EHBP1: variants seen among roughly 807,000 people sequenced by gnomAD.
The protein encoded by EHBP1 is EH domain binding protein 1.
EHBP1 carries 55 observed loss-of-function variants against 144.0 expected under a neutral mutation model. The observed-to-expected ratio is 0.38, with a 90% CI of 0.31 to 0.48. The LOEUF is 0.48. EHBP1 is among the 20% of genes least tolerant of loss of function. EHBP1 has a pLI of 0.98. For synonymous variants in EHBP1, 469 were observed against 472.7 expected (o/e 0.99, Z 0.10); for missense variants, 1,200 against 1,364.2 (o/e 0.88, Z 1.90).
intron 10 of EHBP1, among the ~76,000 whole-genome samples, chr2:62,937,170 C>G (rs1014808724): frequency 6.6e-6 from 1 of 152,154 alleles, no homozygotes; most frequent in East Asian, 1.9e-4. Flanking sequence ...AAGAAGTTGA[C>G]TGAGATGTTT....
intron 10 of EHBP1, among the ~76,000 whole-genome samples, chr2:62,903,819 T>G (rs915889780): frequency 6.6e-6 from 1 of 151,858 alleles, no homozygotes; most frequent in South Asian, 2.1e-4. Flanking sequence ...AAGAAACATA[T>G]TGAGTGAAAA....
intron 7 of EHBP1, among the ~76,000 whole-genome samples, chr2:62,844,318 A>T (rs936054819): frequency 6.6e-6 from 1 of 152,174 alleles, no homozygotes; most frequent in Non-Finnish European, 1.5e-5. Context: ...AAATAGATAC[A>T]TATCTGGGGA....
intron 10 of EHBP1, among the ~76,000 whole-genome samples, chr2:62,916,582 G>T (rs2054633672): frequency 6.7e-6 from 1 of 149,462 alleles, no homozygotes; most frequent in African/African-American, 2.5e-5. Flanking sequence ...AACAGAGCGA[G>T]ACTCTGTCTC....
intron 10 of EHBP1, among the ~76,000 whole-genome samples, chr2:62,926,397 C>A (rs1233156246): frequency 1.3e-5 from 2 of 152,030 alleles, no homozygotes; most frequent in African/African-American, 4.8e-5. Context: ...GAAAAGACAA[C>A]CTACAGAATG....
intron 13 of EHBP1, among the ~76,000 whole-genome samples, chr2:62,951,539 G>A (rs549287488): frequency 1.4e-5 from 2 of 142,382 alleles, no homozygotes; most frequent in African/African-American, 2.6e-5. Flanking sequence ...TTTTTTGGGG[G>A]GGGGGGGTGG....
At chr2:62,844,746 A>C (rs190489843) in intron 7 of EHBP1, among the ~76,000 whole-genome samples, 31 of 152,300 alleles carry the variant, frequency 2.0e-4, no homozygotes, top group African/African-American at 7.5e-4. Flanking sequence ...TTGTTAAGAG[A>C]ACTCAGACAT....
intron 5 of EHBP1, among the ~76,000 whole-genome samples, chr2:62,815,713 T>C (rs1002281405): frequency 6.6e-6 from 1 of 152,212 alleles, no homozygotes; most frequent in African/African-American, 2.4e-5. Context: ...TATATGTCAA[T>C]GACAAAGTTT....
At chr2:62,705,185 A>G (rs1387885621), upstream of EHBP1, among the ~76,000 whole-genome samples, 1 of 151,710 alleles carries the variant, frequency 6.6e-6, no homozygotes, top group Non-Finnish European at 1.5e-5. Flanking sequence ...AATAAAGGCT[A>G]TGCGCAAAAA....
At chr2:62,964,998 G>A (rs1463978834) in intron 14 of EHBP1, 2 of 152,624 alleles carry the variant, frequency 1.3e-5, no homozygotes, top group African/African-American at 4.8e-5. Context: ...CACGAACTGA[G>A]TAGATTTGAA....
intron 3 of EHBP1, among the ~76,000 whole-genome samples, chr2:62,756,709 A>G (rs1258521369): frequency 6.6e-6 from 1 of 151,554 alleles, no homozygotes; most frequent in Non-Finnish European, 1.5e-5. Flanking sequence ...TGGAGGTTGC[A>G]ATGAGCTGAG....
intron 5 of EHBP1, among the ~76,000 whole-genome samples, chr2:62,802,958 C>T (rs1225751116): frequency 6.6e-6 from 1 of 152,140 alleles, no homozygotes; most frequent in African/African-American, 2.4e-5. Flanking sequence ...CTCCTGACCT[C>T]AGGTGATCCG....
chr2:62,830,297 G>A (rs750110264), intron 6 of EHBP1, among the ~76,000 whole-genome samples: 6 of 151,256 alleles, frequency 4.0e-5, no homozygotes, highest in Admixed American at 6.6e-5. Flanking sequence ...CACCACGCCC[G>A]GCTAATTTTT....
chr2:62,981,308 A>G (rs184180421), intron 15 of EHBP1, among the ~76,000 whole-genome samples: 4 of 152,152 alleles, frequency 2.6e-5, no homozygotes, highest in Admixed American at 6.5e-5. Context: ...AAATCTTAAT[A>G]AATCTTTGCC....
At chr2:62,780,796 C>T (rs1242144045) in intron 5 of EHBP1, among the ~76,000 whole-genome samples, 1 of 152,134 alleles carries the variant, frequency 6.6e-6, no homozygotes, top group Non-Finnish European at 1.5e-5. Flanking sequence ...TCCTAGCTAA[C>T]ACATTTTAAG....
At chr2:62,780,183 T>C (rs1414420942) in intron 5 of EHBP1, among the ~76,000 whole-genome samples, 1 of 152,084 alleles carries the variant, frequency 6.6e-6, no homozygotes, top group Non-Finnish European at 1.5e-5. Context: ...TTATTCTTGT[T>C]TCTACAAAGA....
chr2:62,698,965 C>T (rs2034192114), intron 1 of EHBP1, among the ~76,000 whole-genome samples: 1 of 152,170 alleles, frequency 6.6e-6, no homozygotes, highest in Non-Finnish European at 1.5e-5. Context: ...TGGAGTTTTG[C>T]CTGCTTTCAG....
intron 3 of EHBP1, among the ~76,000 whole-genome samples, chr2:62,753,668 T>C (rs2039978664): frequency 6.6e-6 from 1 of 152,212 alleles, no homozygotes; most frequent in African/African-American, 2.4e-5. Flanking sequence ...TCTTTTCACA[T>C]AGTCCCGTAT....
chr2:62,880,913 C>G (rs1356454986), intron 10 of EHBP1, among the ~76,000 whole-genome samples: 1 of 151,804 alleles, frequency 6.6e-6, no homozygotes, highest in Admixed American at 6.6e-5. Context: ...AGGTATATAC[C>G]AAGTATATAC....
intron 10 of EHBP1, among the ~76,000 whole-genome samples, chr2:62,933,267 A>G (rs942419958): frequency 7.9e-5 from 12 of 152,080 alleles, no homozygotes; most frequent in Non-Finnish European, 1.6e-4. Flanking sequence ...AGGGTCTAAT[A>G]TCTGGCTTAA....
Sources: gnomAD v4.1 joint callset for allele counts (sites outside exome capture counted in the v4.1 genomes callset) on GRCh38, gnomAD v4.1.1 for gene constraint, MANE v1.5 for transcripts, NCBI Gene and HGNC (gene_info 2026-07-23, HGNC 2026-07-21) for gene names.